Variants in HOXD11 observed in about 807,000 individuals in gnomAD.
HOXD11 encodes the protein homeobox protein Hox-D11.
A neutral mutation model predicts 23.1 loss-of-function variants in HOXD11; 16 were observed. The observed-to-expected ratio is 0.69, with a 90% CI of 0.47 to 1.05. The LOEUF (loss-of-function observed/expected upper bound fraction) is 1.05, where lower values mean the gene tolerates loss of function less well. Among genes scored for constraint, HOXD11 ranks in the 50% least tolerant of loss-of-function variants. The probability of loss-of-function intolerance (pLI) is 0.00; values close to 1 mark genes in which losing one functional copy is unlikely to be tolerated. For missense variants in HOXD11, 564 were observed against 495.6 expected (o/e 1.14, Z -1.31); for synonymous variants, 262 against 224.4 (o/e 1.17, Z -1.50).
Position 176,109,028 on chromosome 2 carries a change from G to T in HOXD11, c.903G>T (p.Arg301=), listed in dbSNP as rs759069012. 2.0e-5 allele frequency: 32 copies of T among 1,613,960 alleles called. No individual in the cohort carries two copies. Among genetic ancestry groups the T allele is most frequent in the Non-Finnish European group, 2.7e-5 (32 of 1,179,908 alleles). ...INKEKRLQLS[R]MLNLTDRQVK... is the part of the protein sequence containing the mutation. ...AAGAGAAAAGACTTCAACTCTCTCG[G>T]ATGCTCAACCTCACTGACCGGCAAG... Residue 301 remains arginine (R), a synonymous_variant, in exon 2 of 2, where the codon CGG becomes CGT. Coordinates refer to ENST00000249504, the MANE Select transcript of HOXD11 (RefSeq NM_021192.3).
chr2:176,109,460 T>A lies in HOXD11; in HGVS notation c.*318T>A, dbSNP rs1455879006. On this transcript the variant is annotated 3_prime_UTR_variant, in exon 2 of 2. Coordinates refer to ENST00000249504, the MANE Select transcript of HOXD11 (RefSeq NM_021192.3). ...GGACACGGCGGGGTCTGTAGGAAGT[T>A]GGGCCGGGTTGGGGGTTGCTAGAAG... 3 of 333,734 alleles carry A rather than the reference T, an allele frequency of 9.0e-6. No individual in the cohort carries two copies. The highest frequency in any genetic ancestry group is 8.4e-4 in the Middle Eastern group (1 of 1,184). The allele number at this position is 333,734 out of a possible 1,614,324, so 20.7% of individuals were successfully genotyped here. A position where few individuals can be genotyped will look rare whatever the true frequency, so the allele number is the denominator to read the frequency against.
At chr2:176,111,826 C>CAAAAAAAAAAAAAACAAAAAAAA (rs1689676715), downstream of HOXD11, among the ~76,000 whole-genome samples, 1 of 22,740 alleles carries the variant, frequency 4.4e-5, no homozygotes, top group Non-Finnish European at 7.5e-5. Context: ...CTCCCCCCCG[C>CAAAAAAAAAAAAAACAAAAAAAA]AAAAAAAAAA....
Position 176,109,643 on chromosome 2 carries a change from G to A in HOXD11, c.*501G>A, listed in dbSNP as rs1689647664. 4.7e-6 allele frequency: 1 copy of A among 214,936 alleles called. No individual in the cohort carries two copies. The highest frequency in any genetic ancestry group is 9.4e-6 in the Non-Finnish European group (1 of 106,574). The allele number at this position is 214,936 out of a possible 1,614,324, so 13.3% of individuals were successfully genotyped here. A position where few individuals can be genotyped will look rare whatever the true frequency, so the allele number is the denominator to read the frequency against. ...ATAAATGGTTTCTAGTAAAATGGAGGTTACAGCTTCAATACACTGTATGAA... is the reference window on the plus strand; with the variant it reads ...ATAAATGGTTTCTAGTAAAATGGAGATTACAGCTTCAATACACTGTATGAA... On this transcript the variant is annotated 3_prime_UTR_variant, in exon 2 of 2. Coordinates refer to ENST00000249504, the MANE Select transcript of HOXD11 (RefSeq NM_021192.3).
At chr2:176,108,170 G>C (rs1450346642) in intron 1 of HOXD11, 34 bp downstream of exon 1, 9 of 1,067,650 alleles carry the variant, frequency 8.4e-6, no homozygotes, top group East Asian at 3.4e-5. Context: ...CGGTGGGCCC[G>C]GGGGCCGCGG....
At position 176,107,937 on chromosome 2, in the gene HOXD11, G is replaced by T; in HGVS notation, c.582G>T (p.Gln194His). 1 of 1,408,138 alleles carries T rather than the reference G, an allele frequency of 7.1e-7. No individual in the cohort carries two copies. 87.2% of individuals were successfully genotyped at this position (1,408,138 alleles called of 1,614,324 possible). A position where few individuals can be genotyped will look rare whatever the true frequency, so the allele number is the denominator to read the frequency against. ...CCGGGCCCCCGTTCGCCGGGCCGCA[G>T]CCCCCGCCGCCACCCGCGCCGCCAC... is the stretch of plus-strand genomic sequence containing the variant. ...AAPGPPFAGP[Q>H]PPPPPAPPQP... Residue 194 changes from glutamine to histidine, a missense_variant, in exon 1 of 2, where the codon CAG (glutamine) becomes CAT (histidine). Physicochemically the swap from Gln to His is conservative, Grantham distance 24. Coordinates refer to ENST00000249504, the MANE Select transcript of HOXD11 (RefSeq NM_021192.3).
chr2:176,115,131 ATGGTGGTAGTGGTGGTAG>A, the HOXD11 span, among the ~76,000 whole-genome samples: 44 of 152,032 alleles, frequency 2.9e-4, no homozygotes, highest in East Asian at 1.3e-3. Flanking sequence ...CTGAGTTTCC[ATGGTGGTAGTGGTGGTAG>A]TGGTGGTAGT....
rs1385710048 is a variant in HOXD11 at position 176,107,302 on chromosome 2, G to C, written c.-54G>C. 6.4e-6 allele frequency: 10 copies of C among 1,562,032 alleles called. No homozygotes were observed. The highest frequency in any genetic ancestry group is 2.4e-5 in the East Asian group (1 of 41,650). On this transcript the variant is annotated 5_prime_UTR_variant, in exon 1 of 2. Coordinates refer to ENST00000249504, the MANE Select transcript of HOXD11 (RefSeq NM_021192.3). ...AGCCTCTTGTGCAATCGATGGCTCAGGTTGGCTGCGCGGGGAGCGGCCAGA... is the reference window on the plus strand; with the variant it reads ...AGCCTCTTGTGCAATCGATGGCTCACGTTGGCTGCGCGGGGAGCGGCCAGA...
chr2:176,108,084 C>T lies in HOXD11; in HGVS notation c.729C>T (p.Gly243=). The T allele has an allele frequency of 2.2e-6, 3 of 1,395,050 alleles. No homozygotes were observed. The highest frequency in any genetic ancestry group is 5.1e-5 in the Admixed American group (2 of 39,504). 86.4% of individuals were successfully genotyped at this position (1,395,050 alleles called of 1,614,324 possible). ...AGGGGGCAGCAGAAGGCAGCGGTGGCGACGGCGAGGGCCCCCCGGGAGAGG... is the reference window on the plus strand; with the variant it reads ...AGGGGGCAGCAGAAGGCAGCGGTGGTGACGGCGAGGGCCCCCCGGGAGAGG... ...EPKGAAEGSG[G]DGEGPPGEAG... is the part of the protein sequence containing the mutation. The change falls in exon 1 of 2, where the codon GGC becomes GGT. Residue 243 remains glycine, a synonymous_variant. Transcript: ENST00000249504.
chr2:176,115,463 TA>T, the HOXD11 span, among the ~76,000 whole-genome samples: 1 of 152,240 alleles, frequency 6.6e-6, no homozygotes, highest in Admixed American at 6.5e-5. Context: ...CGAACGCCAT[TA>T]TGGTAAATTT....
Position 176,107,655 on chromosome 2 carries a change from G to T in HOXD11, c.300G>T (p.Ala100=), listed in dbSNP as rs1278179899. The T allele has an allele frequency of 4.1e-6, 4 of 976,342 alleles. No individual in the cohort carries two copies. Among genetic ancestry groups the T allele is most frequent in the Non-Finnish European group, 4.9e-6 (4 of 823,706 alleles). The allele number at this position is 976,342 out of a possible 1,614,324, so 60.5% of individuals were successfully genotyped here. The change falls in exon 1 of 2, where the codon GCG becomes GCT. Residue 100 remains alanine, a synonymous_variant. Coordinates refer to ENST00000249504, the MANE Select transcript of HOXD11 (RefSeq NM_021192.3). ...GGGPGGGGGG[A]GGYAPYYAAA... ...GCCCCGGCGGGGGCGGCGGCGGCGC[G>T]GGGGGCTACGCTCCCTACTACGCGG...
rs1433171083 is a variant in HOXD11 at position 176,109,288 on chromosome 2, C to G, written c.*146C>G. ...TTCCTTCCCACGGTCAACTCGGGAC[C>G]TCCCAGCGACCACTGCAGCCTGCGG... is the stretch of plus-strand genomic sequence containing the variant. On this transcript the variant is annotated 3_prime_UTR_variant, in exon 2 of 2. Coordinates refer to ENST00000249504, the MANE Select transcript of HOXD11 (RefSeq NM_021192.3). 1.6e-6 allele frequency: 1 copy of G among 634,800 alleles called. No individual in the cohort carries two copies. Among genetic ancestry groups the G allele is most frequent in the Non-Finnish European group, 2.8e-6 (1 of 357,942 alleles). The allele number at this position is 634,800 out of a possible 1,614,324, so 39.3% of individuals were successfully genotyped here.
Position 176,107,947 on chromosome 2 carries a change from C to A in HOXD11, c.592C>A (p.Pro198Thr). 1 of 1,402,766 alleles carries A rather than the reference C, an allele frequency of 7.1e-7. No homozygotes were observed. The highest frequency in any genetic ancestry group is 9.2e-7 in the Non-Finnish European group (1 of 1,082,114). 86.9% of individuals were successfully genotyped at this position (1,402,766 alleles called of 1,614,324 possible). A position where few individuals can be genotyped will look rare whatever the true frequency, so the allele number is the denominator to read the frequency against. ...GTTCGCCGGGCCGCAGCCCCCGCCG[C>A]CACCCGCGCCGCCACAGCCCGAGGG... ...PPFAGPQPPP[P>T]PAPPQPEGAA... Residue 198 changes from proline (P) to threonine (T), a missense_variant, in exon 1 of 2, where the codon CCA becomes ACA. Pro to Thr is a conservative substitution (Grantham distance 38). Transcript: ENST00000249504.
rs754916762 is a variant in HOXD11, at chr2:176,108,963, G to T, written c.838G>T (p.Glu280Ter). The T allele has an allele frequency of 1.2e-6, 2 of 1,614,150 alleles. No individual in the cohort carries two copies. The highest frequency in any genetic ancestry group is 1.1e-5 in the South Asian group (1 of 91,086). Residue 280 changes from glutamate to a stop codon, truncating the protein, a stop_gained, in exon 2 of 2, where the codon GAA becomes TAA. Coordinates refer to ENST00000249504, the MANE Select transcript of HOXD11 (RefSeq NM_021192.3). LOFTEE classifies it high-confidence loss of function. Reference sequence around the variant, plus strand: ...TCCCTATACCAAGTACCAGATCCGCGAACTGGAACGCGAGTTTTTCTTTAA... The same window carrying T: ...TCCCTATACCAAGTACCAGATCCGCTAACTGGAACGCGAGTTTTTCTTTAA... ...RCPYTKYQIR[E>*]LEREFFFNVY...
chr2:176,113,971 T>G (rs1249267836), downstream of HOXD11, among the ~76,000 whole-genome samples: 4 of 152,232 alleles, frequency 2.6e-5, no homozygotes, highest in African/African-American at 9.7e-5. Flanking sequence ...TTAGCCTGTA[T>G]GTTTTCTTCA....
At chr2:176,110,745 A>G (rs528135275), downstream of HOXD11, among the ~76,000 whole-genome samples, 2 of 152,374 alleles carry the variant, frequency 1.3e-5, no homozygotes, top group Admixed American at 6.5e-5. Context: ...ACACACATTT[A>G]TGACCACACA....
At chr2:176,108,871 C>A (rs780886537) in intron 1 of HOXD11, 36 bp from the exon 2 acceptor site, 4 of 1,479,570 alleles carry the variant, frequency 2.7e-6, no homozygotes, top group Admixed American at 1.7e-5. Flanking sequence ...TGTCAGGCAG[C>A]GGCCTCTCTC....
In HOXD11 at chr2:176,107,901, C is replaced by T; in HGVS notation, c.546C>T (p.Tyr182=). ...TGCCACAGGGCTTCGACCAGTTCTACGAGGCAGCGCCCGGGCCCCCGTTCG... is the reference window on the plus strand; with the variant it reads ...TGCCACAGGGCTTCGACCAGTTCTATGAGGCAGCGCCCGGGCCCCCGTTCG... ...GILPQGFDQF[Y]EAAPGPPFAG... Residue 182 remains tyrosine, a synonymous_variant, in exon 1 of 2, where the codon TAC becomes TAT. Transcript: ENST00000249504. 2.8e-6 allele frequency: 4 copies of T among 1,442,842 alleles called. No homozygotes were observed. Among genetic ancestry groups the T allele is most frequent in the African/African-American group, 3.0e-5 (2 of 67,224 alleles). The allele number at this position is 1,442,842 out of a possible 1,614,324, so 89.4% of individuals were successfully genotyped here.
At chr2:176,114,381 C>T (rs1413524122), downstream of HOXD11, among the ~76,000 whole-genome samples, 1 of 152,066 alleles carries the variant, frequency 6.6e-6, no homozygotes, top group South Asian at 2.1e-4. Context: ...TCGAAAACAG[C>T]CACCCCTGTG....
In HOXD11 at chr2:176,109,220, G is replaced by A. The variant is rs1217675148; in HGVS notation, c.*78G>A. On this transcript the variant is annotated 3_prime_UTR_variant, in exon 2 of 2. Coordinates refer to ENST00000249504, the MANE Select transcript of HOXD11 (RefSeq NM_021192.3). ...CCAGCCTGCTCTCCGCAGGCCCACT[G>A]TCCTTGGGTTTAATGACGTCTCTTC... The A allele has an allele frequency of 2.3e-6, 2 of 858,214 alleles. No individual in the cohort carries two copies. The highest frequency in any genetic ancestry group is 3.4e-5 in the African/African-American group (2 of 59,264). 53.2% of individuals were successfully genotyped at this position (858,214 alleles called of 1,614,324 possible).
Sources: allele counts gnomAD v4.1 joint callset (sites outside exome capture counted in the v4.1 genomes callset), GRCh38; gene constraint gnomAD v4.1.1; transcripts MANE v1.5; gene names NCBI Gene and HGNC (gene_info 2026-07-23, HGNC 2026-07-21).